The following ARHGEF28 variants were observed in gnomAD, a reference collection of about 807,000 sequenced individuals.
ARHGEF28 encodes Rho guanine nucleotide exchange factor 28.
In ARHGEF28, 152 loss-of-function variants were observed where a neutral mutation model predicts 206.6. That is an observed-to-expected ratio of 0.74 (90% confidence interval 0.64 to 0.84). The LOEUF (loss-of-function observed/expected upper bound fraction) is 0.84, where lower values mean the gene tolerates loss of function less well. Ranked by LOEUF, ARHGEF28 falls within the 40% of genes least tolerant of loss-of-function variation. The pLI is 0.00. For missense variants in ARHGEF28, 2,028 were observed against 2,073.2 expected, an observed-to-expected ratio of 0.98 and a Z score of 0.42; for synonymous variants, 763 against 776.4, an observed-to-expected ratio of 0.98 and a Z score of 0.29.
chr5:73,693,352 C>G (rs1305792707), intron 2 of ARHGEF28, among the ~76,000 whole-genome samples: 1 of 152,150 alleles, frequency 6.6e-6, no homozygotes, highest in Non-Finnish European at 1.5e-5. Flanking sequence ...TAAAGGGTCT[C>G]TCTTTTCTTT....
At chr5:73,836,883 A>G (rs1247293010) in intron 10 of ARHGEF28, among the ~76,000 whole-genome samples, 2 of 152,066 alleles carry the variant, frequency 1.3e-5, no homozygotes, top group African/African-American at 2.4e-5. Context: ...GCATGTAGCT[A>G]TCCAGTTTTC....
chr5:73,842,987 TAAAA>T (rs35222956), intron 11 of ARHGEF28, among the ~76,000 whole-genome samples: 3 of 130,648 alleles, frequency 2.3e-5, no homozygotes, highest in Non-Finnish European at 1.6e-5. Context: ...ACTCTGTCTT[TAAAA>T]AAAAAAAAAA....
At chr5:73,902,781 T>C (rs1762341095) in intron 31 of ARHGEF28, 1 of 152,250 alleles carries the variant, frequency 6.6e-6, no homozygotes, top group Non-Finnish European at 1.5e-5. Flanking sequence ...CGAAATTTCC[T>C]GTCTTGTGTC....
chr5:73,741,291 C>T (rs1380189694), intron 2 of ARHGEF28, among the ~76,000 whole-genome samples: 1 of 148,902 alleles, frequency 6.7e-6, no homozygotes, highest in East Asian at 2.0e-4. Context: ...CAATTTGATA[C>T]TGGTGAATCA....
At chr5:73,703,583 CCTCT>C (rs1748726743) in intron 2 of ARHGEF28, among the ~76,000 whole-genome samples, 1 of 151,830 alleles carries the variant, frequency 6.6e-6, no homozygotes, top group African/African-American at 2.4e-5. Context: ...TGCCTGCTTT[CCTCT>C]CTCTCTTTAA....
intron 1 of ARHGEF28, among the ~76,000 whole-genome samples, chr5:73,634,349 TTA>T (rs924189167): frequency 2.6e-5 from 4 of 152,178 alleles, no homozygotes; most frequent in African/African-American, 9.7e-5. Flanking sequence ...ACTGTGTCTA[TTA>T]TATCTCTTTG....
chr5:73,690,180 G>C (rs1747726606), intron 2 of ARHGEF28, among the ~76,000 whole-genome samples: 1 of 152,106 alleles, frequency 6.6e-6, no homozygotes, highest in African/African-American at 2.4e-5. Context: ...ACGATGCAAG[G>C]ACAGCTTAAG....
At chr5:73,938,396 A>T (rs1742340073) in intron 35 of ARHGEF28, among the ~76,000 whole-genome samples, 1 of 152,142 alleles carries the variant, frequency 6.6e-6, no homozygotes, top group East Asian at 1.9e-4. Context: ...TCCATGTTTC[A>T]CACCCCAGAT....
At position 73,886,039 on chromosome 5, in the gene ARHGEF28, G is replaced by A. The variant is rs765070161; in HGVS notation, c.3245G>A (p.Ser1082Asn). 3.1e-6 allele frequency: 5 copies of A among 1,613,836 alleles called. No homozygotes were observed. The highest frequency in any genetic ancestry group is 1.3e-5 in the African/African-American group (1 of 74,924). Residue 1082 changes from serine (S) to asparagine (N), a missense_variant, in exon 25 of 36, where the codon AGT (serine) becomes AAT (asparagine). Physicochemically the swap from Ser to Asn is conservative, Grantham distance 46. This residue lies in a region of ARHGEF28 where 803 missense variants were observed against 768.0 expected (regional missense o/e 1.05). Coordinates refer to ENST00000513042, the MANE Select transcript of ARHGEF28 (RefSeq NM_001177693.2). ...GTGTTTAGGAAGCAGGCACTGATGA[G>A]TGAAGAAAGGACTCTGTTATATGAT... ...GHVFRKQALM[S>N]EERTLLYDGL...
intron 9 of ARHGEF28, among the ~76,000 whole-genome samples, chr5:73,819,705 C>T (rs1006634309): frequency 6.6e-6 from 1 of 152,188 alleles, no homozygotes; most frequent in East Asian, 1.9e-4. Context: ...GTTCCTGCCT[C>T]TCAAGGCTTG....
rs150873980 is a variant in ARHGEF28, at chr5:73,723,331, C to G, written c.34-26506C>G. On this transcript the variant is annotated intron_variant, in intron 2 of 35. Transcript: ENST00000513042. ...AGCCTCCTGAGTACTGGGACTACAG[C>G]TGCGTGCCACCACGCCCAGCTAATT... Among the ~76,000 whole-genome samples the G allele has an allele frequency of 6.2e-3, 942 of 152,196 alleles. 12 individuals carry two copies. The highest frequency in any genetic ancestry group is 0.021 in the African/African-American group (893 of 41,542).
intron 25 of ARHGEF28, 154 bp from the exon 26 acceptor site, chr5:73,887,449 T>A: frequency 1.8e-6 from 1 of 566,000 alleles, no homozygotes; most frequent in South Asian, 3.0e-5. Context: ...CAGCTTTCTA[T>A]TAAGTTATTA....
chr5:73,916,519 G>A (rs1447341159), intron 35 of ARHGEF28, among the ~76,000 whole-genome samples: 2 of 152,220 alleles, frequency 1.3e-5, no homozygotes, highest in Non-Finnish European at 2.9e-5. Flanking sequence ...ACTTGCGGAT[G>A]AGATGGCCAC....
At chr5:73,804,082 C>CAAAAAAAAAAAAAAAAAAAAA in intron 9 of ARHGEF28, among the ~76,000 whole-genome samples, 1 of 64,314 alleles carries the variant, frequency 1.6e-5, no homozygotes, top group Non-Finnish European at 2.7e-5. Flanking sequence ...GAGACCCTGT[C>CAAAAAAAAAAAAAAAAAAAAA]AAAAAAAAAA....
At chr5:73,934,845 C>T (rs915677217) in intron 35 of ARHGEF28, among the ~76,000 whole-genome samples, 3 of 152,144 alleles carry the variant, frequency 2.0e-5, no homozygotes, top group Non-Finnish European at 4.4e-5. Context: ...ATTCTTTTAT[C>T]GTCAATATCT....
intron 31 of ARHGEF28, chr5:73,901,496 G>C: frequency 2.5e-6 from 1 of 395,704 alleles, no homozygotes; most frequent in South Asian, 2.7e-5. Context: ...ACAAAGCAAC[G>C]ATTGAAAAGT....
At chr5:73,690,065 A>ATTATT (rs57855775) in intron 2 of ARHGEF28, among the ~76,000 whole-genome samples, 111,595 of 151,076 alleles carry the variant, frequency 0.74, 41,315 homozygotes, top group East Asian at 0.82. Flanking sequence ...TTTTAAATTA[A>ATTATT]TTATTTTAAG....
rs370473647 is a variant in ARHGEF28 at position 73,753,101 on chromosome 5, C to T, written c.374C>T (p.Thr125Met). ...HQTLLTPFAL[T>M]AGALPALDEE... ...ACCCTGCTGACCCCATTTGCCTTGA[C>T]GGCAGGAGCACTGCCTGCCTTGGAT... The change falls in exon 4 of 36, where the codon ACG becomes ATG. Residue 125 changes from threonine (T) to methionine (M), a missense_variant. Thr to Met is a moderately conservative substitution (Grantham distance 81, BLOSUM62 -1). Transcript: ENST00000513042. 3.6e-5 allele frequency: 58 copies of T among 1,598,282 alleles called. No homozygotes were observed. Among genetic ancestry groups the T allele is most frequent in the African/African-American group, 2.1e-4 (16 of 74,760 alleles).
intron 9 of ARHGEF28, among the ~76,000 whole-genome samples, chr5:73,831,911 G>A (rs1003543505): frequency 6.6e-6 from 1 of 152,254 alleles, no homozygotes; most frequent in African/African-American, 2.4e-5. Context: ...GGCTGGTCTC[G>A]AGCTCCCAAC....
Sources: gnomAD v4.1 joint callset for allele counts (sites outside exome capture counted in the v4.1 genomes callset) on GRCh38, gnomAD v4.1.1 for gene constraint, gnomAD v4.1.1 regional missense constraint, MANE v1.5 for transcripts, NCBI Gene and HGNC (gene_info 2026-07-23, HGNC 2026-07-21) for gene names.